Variants in PNMA3 observed in about 807,000 individuals in gnomAD.
The protein encoded by PNMA3 is PNMA family member 3, also known as paraneoplastic antigen Ma3.
A neutral mutation model predicts 25.1 loss-of-function variants in PNMA3; 10 were observed. That is an observed-to-expected ratio of 0.40 (90% CI 0.25 to 0.68). The LOEUF (loss-of-function observed/expected upper bound fraction) is 0.68, where lower values mean the gene tolerates loss of function less well. PNMA3 is among the 30% of genes least tolerant of loss of function. PNMA3 has a pLI of 0.40. For synonymous variants in PNMA3, 134 were observed against 148.7 expected, an observed-to-expected ratio of 0.90 and a Z score of 0.72; for missense variants, 317 against 372.1, an observed-to-expected ratio of 0.85 and a Z score of 1.22.
At chrX:153,056,721 G>A (rs923435264) in intron 1 of PNMA3, 83 bp downstream of exon 1, 1 of 193,054 alleles carries the variant, frequency 5.2e-6, no homozygotes, top group Non-Finnish European at 9.4e-6. Context: ...CAGAACTGAA[G>A]CAGCCTGCAG....
In PNMA3 at chrX:153,057,693, C is replaced by A. The variant is rs2051153276; in HGVS notation, c.638C>A (p.Ala213Asp). Residue 213 changes from alanine to aspartate, a missense_variant, in exon 2 of 2, where the codon GCT becomes GAT. By Grantham distance (126) the Ala-to-Asp change is moderately radical. Transcript: ENST00000593810. ...CTGATGGAATGCTTACGGGGCCCTG[C>A]TCTCCAGGTGGTCAGTGGGCTCCGG... The part of the protein sequence containing the change: ...RRLMECLRGP[A>D]LQVVSGLRAS... 8.3e-7 allele frequency: 1 copy of A among 1,210,540 alleles called. No individual in the cohort carries two copies. Among genetic ancestry groups the A allele is most frequent in the Admixed American group, 2.2e-5 (1 of 45,951 alleles).
In PNMA3 at chrX:153,058,900, C is replaced by T. The variant is rs2051163233; in HGVS notation, c.*453C>T. 3.6e-6 allele frequency: 1 copy of T among 274,883 alleles called. No individual in the cohort carries two copies. Among genetic ancestry groups the T allele is most frequent in the South Asian group, 8.0e-5 (1 of 12,518 alleles). The allele number at this position is 274,883 out of a possible 1,213,427, so 22.7% of individuals were successfully genotyped here. Reference sequence around the variant, plus strand: ...GGAGGAGCCTACCTGGGGCCTGCCCCTGCCAGCAGGTGCCAGGGCTGGTGA... The same window carrying T: ...GGAGGAGCCTACCTGGGGCCTGCCCTTGCCAGCAGGTGCCAGGGCTGGTGA... On this transcript the variant is annotated 3_prime_UTR_variant, in exon 2 of 2. Transcript: ENST00000593810.
chrX:153,056,873 G>T (rs1603345740), intron 1 of PNMA3, 77 bp from the exon 2 acceptor site: 1 of 541,688 alleles, frequency 1.8e-6, no homozygotes, highest in Non-Finnish European at 2.7e-6. Context: ...GCTGGGGGTG[G>T]GGGTGGGGGT....
In PNMA3 at chrX:153,059,967, C is replaced by T. The variant is rs2051172200; in HGVS notation, c.*1520C>T. The T allele has an allele frequency of 8.0e-6, 1 of 124,719 alleles. No homozygotes were observed. The highest frequency in any genetic ancestry group is 1.9e-5 in the Non-Finnish European group (1 of 53,594). 10.3% of individuals were successfully genotyped at this position (124,719 alleles called of 1,213,427 possible). A position where few individuals can be genotyped will look rare whatever the true frequency, so the allele number is the denominator to read the frequency against. ...GCTCACCCTGTGACCACGATGGTGA[C>T]CGTGACTGTGGGAGGAAGAACTGGA... On this transcript the variant is annotated 3_prime_UTR_variant, in exon 2 of 2. Transcript: ENST00000593810.
chrX:153,059,112 GAGACCAAAGATTGATGAGA>G lies in PNMA3; in HGVS notation c.*671_*689del, dbSNP rs2124042063. On this transcript the variant is annotated 3_prime_UTR_variant, in exon 2 of 2. Transcript: ENST00000593810. ...GCCAGCCAGAGGTTGTGCAGGCAAG[GAGACCAAAGATTGATGAGA>G]AGACCCCCAGCAGGGGTACTGGGTA... The G allele has an allele frequency of 7.9e-6, 1 of 126,909 alleles. No individual in the cohort carries two copies. Among genetic ancestry groups the G allele is most frequent in the South Asian group, 3.6e-4 (1 of 2,802 alleles). The allele number at this position is 126,909 out of a possible 1,213,427, so 10.5% of individuals were successfully genotyped here.
intron 1 of PNMA3, 58 bp from the exon 2 acceptor site, chrX:153,056,892 A>T: frequency 1.6e-6 from 1 of 643,877 alleles, no homozygotes; most frequent in Non-Finnish European, 2.2e-6. Context: ...GTGGGCGTGG[A>T]TGTGGGCGTG....
In PNMA3 at chrX:153,058,643, C is replaced by T. The variant is rs1448368134; in HGVS notation, c.*196C>T. 1.7e-6 allele frequency: 2 copies of T among 1,146,041 alleles called. No individual in the cohort carries two copies. Among genetic ancestry groups the T allele is most frequent in the Non-Finnish European group, 2.3e-6 (2 of 856,507 alleles). The allele number at this position is 1,146,041 out of a possible 1,213,427, so 94.4% of individuals were successfully genotyped here. On this transcript the variant is annotated 3_prime_UTR_variant, in exon 2 of 2. Transcript: ENST00000593810. ...TTCAGCAACCAAGACCACCTGGCAA[C>T]AGGCTCAGTGGGGGTCAGGTCCAGG...
chrX:153,058,783 G>A lies in PNMA3; in HGVS notation c.*336G>A, dbSNP rs781961106. The A allele has an allele frequency of 3.2e-5, 15 of 474,657 alleles. No individual in the cohort carries two copies. The East Asian group carries it at 4.9e-4, about 15-fold the overall frequency. 39.1% of individuals were successfully genotyped at this position (474,657 alleles called of 1,213,427 possible). ...AGAAGCTGAAGAAGGTACGGCTGGG[G>A]GTTCTGTCCTGCTCATCCAACCACC... On this transcript the variant is annotated 3_prime_UTR_variant, in exon 2 of 2. Transcript: ENST00000593810.
At position 153,059,677 on chromosome X, in the gene PNMA3, TC is replaced by T. The variant is rs1247323179; in HGVS notation, c.*1232del. The T allele has an allele frequency of 3.2e-5, 4 of 124,454 alleles. No individual in the cohort carries two copies. Among genetic ancestry groups the T allele is most frequent in the Non-Finnish European group, 7.5e-5 (4 of 53,456 alleles). 10.3% of individuals were successfully genotyped at this position (124,454 alleles called of 1,213,427 possible). A position where few individuals can be genotyped will look rare whatever the true frequency, so the allele number is the denominator to read the frequency against. On this transcript the variant is annotated 3_prime_UTR_variant, in exon 2 of 2. Coordinates refer to ENST00000593810, the MANE Select transcript of PNMA3 (RefSeq NM_013364.6). ...ACGCCCACCCACCGCTAGCCGTTGT[TC>T]CTGTGCAAAGTAGTGTGCTATGCAC...
Position 153,056,985 on chromosome X carries a change from G to A in PNMA3, c.-71G>A, listed in dbSNP as rs949308267. 2.6e-5 allele frequency: 30 copies of A among 1,158,829 alleles called. No homozygotes were observed. In the African/African-American group the frequency reaches 4.6e-4, roughly 18 times the overall value. On this transcript the variant is annotated 5_prime_UTR_variant, in exon 2 of 2. Coordinates refer to ENST00000593810, the MANE Select transcript of PNMA3 (RefSeq NM_013364.6). ...CCTGGGCCTTCTGCGATCACCCTAG[G>A]AGTTGATCCAGATATGTGCCTCACG...
In PNMA3 at chrX:153,057,061, G is replaced by A. The variant is rs782167132; in HGVS notation, c.6G>A (p.Pro2=). ...ATCCGCAGAGATTCGAGGACATGCCGTTGACCTTGTTACAGGACTGGTGTC... is the reference window on the plus strand; with the variant it reads ...ATCCGCAGAGATTCGAGGACATGCCATTGACCTTGTTACAGGACTGGTGTC... M[P]LTLLQDWCRG... is the part of the protein sequence containing the mutation. The change falls in exon 2 of 2, where the codon CCG becomes CCA. Residue 2 remains proline, a synonymous_variant. Transcript: ENST00000593810. 8.3e-6 allele frequency: 10 copies of A among 1,207,459 alleles called. No individual in the cohort carries two copies. The Admixed American group carries it at 1.5e-4, about 18-fold the overall frequency.
Position 153,057,651 on chromosome X carries a change from G to A in PNMA3, c.596G>A (p.Gly199Glu). 8.3e-7 allele frequency: 1 copy of A among 1,211,649 alleles called. No individual in the cohort carries two copies. The highest frequency in any genetic ancestry group is 1.1e-6 in the Non-Finnish European group (1 of 895,519). The change falls in exon 2 of 2, where the codon GGG (glycine) becomes GAG (glutamate). Residue 199 changes from glycine (G) to glutamate (E), a missense_variant. Gly to Glu is a moderately conservative substitution (Grantham distance 98). Coordinates refer to ENST00000593810, the MANE Select transcript of PNMA3 (RefSeq NM_013364.6). ...EMLQMWQVPE[G>E]EKRRRLMECL... is the part of the protein sequence containing the mutation. Reference sequence around the variant, plus strand: ...CTACAGATGTGGCAGGTGCCCGAGGGGGAAAAGAGGCGGAGGCTGATGGAA... The same window carrying A: ...CTACAGATGTGGCAGGTGCCCGAGGAGGAAAAGAGGCGGAGGCTGATGGAA...
rs1186779671 is a variant in PNMA3 at position 153,057,734 on chromosome X, A to G, written c.679A>G (p.Ile227Val). 10 of 1,210,895 alleles carry G rather than the reference A, an allele frequency of 8.3e-6. No homozygotes were observed. In the African/African-American group the frequency reaches 1.2e-4, roughly 15 times the overall value. ...VSGLRASNASITVEECLAALQ... is the reference protein window; with the variant it reads ...VSGLRASNASVTVEECLAALQ... ...TGGGCTCCGGGCCAGCAATGCTTCC[A>G]TAACTGTGGAGGAGTGCCTGGCTGC... Residue 227 changes from isoleucine to valine, a missense_variant, in exon 2 of 2, where the codon ATA (isoleucine) becomes GTA (valine). Ile to Val is a conservative substitution (Grantham distance 29). Transcript: ENST00000593810.
At position 153,057,475 on chromosome X, in the gene PNMA3, G is replaced by T; in HGVS notation, c.420G>T (p.Glu140Asp). 1 of 1,211,317 alleles carries T rather than the reference G, an allele frequency of 8.3e-7. No homozygotes were observed. Residue 140 changes from glutamate to aspartate, a missense_variant, in exon 2 of 2, where the codon GAG becomes GAT. Transcript: ENST00000593810. ...CSAPRVTISPEFWTWAQTLGA... is the reference protein window; with the variant it reads ...CSAPRVTISPDFWTWAQTLGA... ...CTCCAAGAGTGACTATATCACCAGA[G>T]TTCTGGACCTGGGCCCAGACTCTGG...
chrX:153,058,597 C>G lies in PNMA3; in HGVS notation c.*150C>G. 1.7e-6 allele frequency: 2 copies of G among 1,175,565 alleles called. No individual in the cohort carries two copies. Among genetic ancestry groups the G allele is most frequent in the Non-Finnish European group, 2.3e-6 (2 of 877,235 alleles). On this transcript the variant is annotated 3_prime_UTR_variant, in exon 2 of 2. Transcript: ENST00000593810. Reference sequence around the variant, plus strand: ...CCAGACCAAGGCCAAGCCTTCTCACCCTTGGCCAGCTGGAAGGGACTTCAG... The same window carrying G: ...CCAGACCAAGGCCAAGCCTTCTCACGCTTGGCCAGCTGGAAGGGACTTCAG...
In PNMA3 at chrX:153,058,092, G is replaced by A; in HGVS notation, c.1037G>A (p.Ser346Asn). 1 of 1,211,906 alleles carries A rather than the reference G, an allele frequency of 8.3e-7. No homozygotes were observed. Among genetic ancestry groups the A allele is most frequent in the Non-Finnish European group, 1.1e-6 (1 of 895,533 alleles). Residue 346 changes from serine (S) to asparagine (N), a missense_variant, in exon 2 of 2, where the codon AGT becomes AAT. Ser to Asn is a conservative substitution (Grantham distance 46). Transcript: ENST00000593810. ...GCCACTTTAGGTCCAGATAGGGAGA[G>A]TCTGGAGGGGCTGGAAGTAGCCCCA... is the stretch of plus-strand genomic sequence containing the variant. ...WEATLGPDRE[S>N]LEGLEVAPRP...
In PNMA3 at chrX:153,057,023, C is replaced by A. The variant is rs1556932011; in HGVS notation, c.-33C>A. On this transcript the variant is annotated 5_prime_UTR_variant, in exon 2 of 2. Transcript: ENST00000593810. ...TATGTGCCTCACGCCCTGATCACTC[C>A]CCCCAAATTAGTATCCGCAGAGATT... The A allele has an allele frequency of 5.9e-6, 7 of 1,192,174 alleles. No individual in the cohort carries two copies. The highest frequency in any genetic ancestry group is 3.0e-4 in the Middle Eastern group (1 of 3,364).
At position 153,059,373 on chromosome X, in the gene PNMA3, G is replaced by A. The variant is rs1342343283; in HGVS notation, c.*926G>A. Reference sequence around the variant, plus strand: ...AACAGATGCCAATGCCAATTCCAAGGCCAGCCACAACCCTGCCACCTTGGG... The same window carrying A: ...AACAGATGCCAATGCCAATTCCAAGACCAGCCACAACCCTGCCACCTTGGG... On this transcript the variant is annotated 3_prime_UTR_variant, in exon 2 of 2. Transcript: ENST00000593810. 2 of 123,274 alleles carry A rather than the reference G, an allele frequency of 1.6e-5. No homozygotes were observed. Among genetic ancestry groups the A allele is most frequent in the African/African-American group, 6.5e-5 (2 of 30,709 alleles). The allele number at this position is 123,274 out of a possible 1,213,427, so 10.2% of individuals were successfully genotyped here.
At position 153,057,311 on chromosome X, in the gene PNMA3, G is replaced by A. The variant is rs781793397; in HGVS notation, c.256G>A (p.Gly86Arg). 2 of 1,210,513 alleles carry A rather than the reference G, an allele frequency of 1.7e-6. No individual in the cohort carries two copies. The highest frequency in any genetic ancestry group is 1.8e-5 in the South Asian group (1 of 56,818). ...ALLPREIPGK[G>R]GPWEVIVKPR... is the part of the protein sequence containing the mutation. ...GCTCCCAAGGGAAATACCAGGAAAG[G>A]GGGGGCCCTGGGAAGTGATTGTAAA... Residue 86 changes from glycine to arginine, a missense_variant, in exon 2 of 2, where the codon GGG becomes AGG. By Grantham distance (125) the Gly-to-Arg change is moderately radical. Coordinates refer to ENST00000593810, the MANE Select transcript of PNMA3 (RefSeq NM_013364.6).
Sources: allele counts gnomAD v4.1 joint callset, GRCh38; gene constraint gnomAD v4.1.1; transcripts MANE v1.5; gene names NCBI Gene and HGNC (gene_info 2026-07-23, HGNC 2026-07-21).